The following LRRK1 variants were observed in gnomAD, a reference collection of about 807,000 sequenced individuals.
LRRK1 encodes leucine rich repeat kinase 1, also known as leucine-rich repeat serine/threonine-protein kinase 1.
LRRK1 carries 113 observed loss-of-function variants against 209.1 expected under a neutral mutation model. That is an observed-to-expected ratio of 0.54 (90% CI 0.46 to 0.63). LRRK1 has a LOEUF of 0.63. Among genes scored for constraint, LRRK1 ranks in the 30% least tolerant of loss-of-function variants. The pLI, the probability that LRRK1 is intolerant of heterozygous loss-of-function variation, is 0.00. For synonymous variants in LRRK1, 1,144 were observed against 1,099.7 expected (o/e 1.04, Z -0.80); for missense variants, 2,284 against 2,632.2 (o/e 0.87, Z 2.89).
intron 29 of LRRK1, among the ~76,000 whole-genome samples, chr15:101,060,812 C>T (rs576369188): frequency 1.3e-5 from 2 of 152,348 alleles, no homozygotes; most frequent in South Asian, 4.1e-4. Context: ...CTGGAATTCT[C>T]CCAACTTGTC....
chr15:100,935,487 G>A (rs954186693), intron 2 of LRRK1, among the ~76,000 whole-genome samples: 5 of 152,170 alleles, frequency 3.3e-5, no homozygotes, highest in African/African-American at 1.2e-4. Flanking sequence ...TGGGGCTGGA[G>A]AGGTAAAGCC....
rs529582169 is a variant in LRRK1 at position 100,933,650 on chromosome 15, C to T, written c.97+8921C>T. Among the ~76,000 whole-genome samples, 7 of 151,630 alleles carry T rather than the reference C, an allele frequency of 4.6e-5. No homozygotes were observed. The South Asian group carries it at 6.3e-4, about 14-fold the overall frequency. ...CAGCCTGGCCAACGTGGCGAAACCC[C>T]GTCTTTACTAAAAATACAAAAATTA... On this transcript the variant is annotated intron_variant, in intron 2 of 33. Coordinates refer to ENST00000388948, the MANE Select transcript of LRRK1 (RefSeq NM_024652.6).
intron 2 of LRRK1, among the ~76,000 whole-genome samples, chr15:100,937,175 C>T (rs142173224): frequency 6.6e-6 from 1 of 152,238 alleles, no homozygotes; most frequent in East Asian, 1.9e-4. Context: ...AATATTTTAG[C>T]ATGAAGTTGA....
Position 101,024,845 on chromosome 15 carries a change from G to A in LRRK1, c.2110G>A (p.Ala704Thr). The A allele has an allele frequency of 1.2e-6, 2 of 1,614,140 alleles. No individual in the cohort carries two copies. Among genetic ancestry groups the A allele is most frequent in the East Asian group, 4.5e-5 (2 of 44,876 alleles). ...EFNVWDIGGP[A>T]SMATVNQCFF... ...CAACGTCTGGGACATCGGGGGACCG[G>A]CCAGCATGGCCACTGTCAACCAGTG... Residue 704 changes from alanine to threonine, a missense_variant, in exon 16 of 34, where the codon GCC becomes ACC. By Grantham distance (58) the Ala-to-Thr change is moderately conservative. Transcript: ENST00000388948. The surrounding 1 kb of genome is among the most constrained non-coding windows in gnomAD (Gnocchi z 4.6).
Position 101,025,019 on chromosome 15 carries a change from G to A in LRRK1, c.2232+52G>A, listed in dbSNP as rs756326861. ...CATTTCAGTGCCCAGAGCTTTGCAG[G>A]TCCCACCGCTTCCCTCAAGCATCCC... On this transcript the variant is annotated intron_variant, in intron 16 of 33. Transcript: ENST00000388948. 5.1e-6 allele frequency: 8 copies of A among 1,557,728 alleles called. No homozygotes were observed. In the South Asian group the frequency reaches 9.1e-5, roughly 18 times the overall value.
At chr15:100,922,938 A>G (rs1020212800) in intron 1 of LRRK1, among the ~76,000 whole-genome samples, 1 of 152,134 alleles carries the variant, frequency 6.6e-6, no homozygotes, top group African/African-American at 2.4e-5. Context: ...CAGGTGCCTG[A>G]GTTCTAGGCT....
chr15:100,992,249 A>G (rs990987047), intron 6 of LRRK1, among the ~76,000 whole-genome samples: 1 of 152,162 alleles, frequency 6.6e-6, no homozygotes, highest in African/African-American at 2.4e-5. Context: ...TTTATTGTTA[A>G]TGGTTAATTA....
chr15:101,029,529 G>A (rs1300315883), intron 20 of LRRK1, among the ~76,000 whole-genome samples: 2 of 146,470 alleles, frequency 1.4e-5, no homozygotes, highest in Non-Finnish European at 2.9e-5. Flanking sequence ...AATAATTTGT[G>A]GGAATTTCAC....
At chr15:100,983,027 T>G (rs1203224370) in intron 3 of LRRK1, among the ~76,000 whole-genome samples, 1 of 152,096 alleles carries the variant, frequency 6.6e-6, no homozygotes, top group Non-Finnish European at 1.5e-5. Flanking sequence ...ATAAACAAAA[T>G]TAGCCGGTGT....
intron 29 of LRRK1, among the ~76,000 whole-genome samples, chr15:101,060,861 C>G (rs1288534477): frequency 4.6e-5 from 7 of 152,266 alleles, no homozygotes; most frequent in Non-Finnish European, 1.0e-4. Context: ...TGAGGAGCTC[C>G]CCGCATAACA....
At chr15:100,977,438 G>A (rs1432215365) in intron 3 of LRRK1, among the ~76,000 whole-genome samples, 2 of 152,188 alleles carry the variant, frequency 1.3e-5, no homozygotes, top group East Asian at 3.8e-4. Context: ...AAGGCTGTGA[G>A]GAGCTGGGGT....
At chr15:100,971,899 G>C (rs1049015141) in intron 2 of LRRK1, among the ~76,000 whole-genome samples, 1 of 151,918 alleles carries the variant, frequency 6.6e-6, no homozygotes, top group Non-Finnish European at 1.5e-5. Context: ...TTGTCTTTTT[G>C]TGCCTGCTTA....
At chr15:100,989,672 A>G (rs2032053435) in intron 6 of LRRK1, 4 of 567,168 alleles carry the variant, frequency 7.1e-6, no homozygotes, top group Non-Finnish European at 1.2e-5. Context: ...CAATAACAAC[A>G]TCAATCCATT....
In LRRK1 at chr15:100,973,777, C is replaced by CGTGT. The variant is rs759338672; in HGVS notation, c.98-19_98-16dup. The CGTGT allele has an allele frequency of 3.9e-6, 5 of 1,267,234 alleles. No homozygotes were observed. In the African/African-American group the frequency reaches 7.7e-5, roughly 20 times the overall value. The allele number at this position is 1,267,234 out of a possible 1,614,324, so 78.5% of individuals were successfully genotyped here. A position where few individuals can be genotyped will look rare whatever the true frequency, so the allele number is the denominator to read the frequency against. On this transcript the variant is annotated intron_variant, in intron 2 of 33. Coordinates refer to ENST00000388948, the MANE Select transcript of LRRK1 (RefSeq NM_024652.6). ...GCACGCGGGCAGTGGGCGGTGACGC[C>CGTGT]GTGTGTGTGTGCTTCCTCCCGCGCA...
chr15:100,923,244 T>G lies in LRRK1; in HGVS notation c.-122-1267T>G, dbSNP rs141000849. ...GCCCGGGCATAAGGGTGGATGTCTA[T>G]TTTTAACAGGTGAAAACTGAGACAC... On this transcript the variant is annotated intron_variant, in intron 1 of 33. Coordinates refer to ENST00000388948, the MANE Select transcript of LRRK1 (RefSeq NM_024652.6). Among the ~76,000 whole-genome samples the G allele has an allele frequency of 4.1e-3, 618 of 152,296 alleles. 3 individuals carry two copies. Among genetic ancestry groups the G allele is most frequent in the African/African-American group, 0.014 (580 of 41,562 alleles).
intron 6 of LRRK1, among the ~76,000 whole-genome samples, chr15:100,992,729 C>T (rs367618355): frequency 1.1e-4 from 16 of 152,214 alleles, no homozygotes; most frequent in East Asian, 5.8e-4. Context: ...AGTGCAATGG[C>T]GTGGTCTCAG....
intron 2 of LRRK1, among the ~76,000 whole-genome samples, chr15:100,934,123 G>A (rs1238813710): frequency 2.0e-5 from 3 of 152,012 alleles, no homozygotes; most frequent in African/African-American, 7.2e-5. Flanking sequence ...ATTTTACAGT[G>A]AATTCCAGAC....
intron 2 of LRRK1, among the ~76,000 whole-genome samples, chr15:100,968,748 C>A: frequency 6.8e-6 from 1 of 146,970 alleles, no homozygotes; most frequent in African/African-American, 2.5e-5. Flanking sequence ...CTTTTCCTTT[C>A]TTTCTTTCCT....
intron 20 of LRRK1, among the ~76,000 whole-genome samples, chr15:101,042,075 T>A (rs1401302102): frequency 2.0e-5 from 3 of 152,224 alleles, no homozygotes; most frequent in Non-Finnish European, 4.4e-5. Flanking sequence ...AATTAAACAA[T>A]CAATAGTCTT....
Sources: allele counts gnomAD v4.1 joint callset (sites outside exome capture counted in the v4.1 genomes callset), GRCh38; gene constraint gnomAD v4.1.1; non-coding constraint Gnocchi (gnomAD v3.1); transcripts MANE v1.5; gene names NCBI Gene and HGNC (gene_info 2026-07-23, HGNC 2026-07-21).